Variants in CHLSN observed in about 807,000 individuals in gnomAD.
The protein encoded by CHLSN is cholesin.
the CHLSN span, among the ~76,000 whole-genome samples, chr7:979,163 G>A: frequency 1.3e-5 from 2 of 152,232 alleles, no homozygotes; most frequent in Non-Finnish European, 2.9e-5. Flanking sequence ...GGAAAATTTT[G>A]CTTTCGAAGA....
the CHLSN span, among the ~76,000 whole-genome samples, chr7:1,016,534 C>A: frequency 7.2e-6 from 1 of 138,944 alleles, no homozygotes; most frequent in Non-Finnish European, 1.5e-5. Context: ...CACACCAGCA[C>A]AAAGCAGCGC....
chr7:1,055,908 T>TG, the CHLSN span, among the ~76,000 whole-genome samples: 2 of 152,134 alleles, frequency 1.3e-5, no homozygotes, highest in African/African-American at 2.4e-5. Context: ...AAGTGGAGTC[T>TG]GGGGGGTGAC....
chr7:1,010,741 T>G, the CHLSN span, among the ~76,000 whole-genome samples: 1 of 151,926 alleles, frequency 6.6e-6, no homozygotes, highest in South Asian at 2.1e-4. Flanking sequence ...CCCTCCGTCT[T>G]GCCCACCCTC....
chr7:1,027,609 G>A, the CHLSN span, among the ~76,000 whole-genome samples: 1 of 152,272 alleles, frequency 6.6e-6, no homozygotes, highest in Non-Finnish European at 1.5e-5. Context: ...GAAGGCTCCC[G>A]AGTGAAGCTA....
At chr7:1,126,767 G>T in the CHLSN span, among the ~76,000 whole-genome samples, 1 of 152,192 alleles carries the variant, frequency 6.6e-6, no homozygotes, top group Admixed American at 6.5e-5. Context: ...AAATCTCAAC[G>T]TTATTCATAA....
At chr7:1,055,204 G>A in the CHLSN span, 17 of 469,566 alleles carry the variant, frequency 3.6e-5, no homozygotes, top group East Asian at 1.4e-4. Flanking sequence ...TCTGGAACCC[G>A]GCTGTAAACA....
At chr7:1,131,260 A>G in the CHLSN span, among the ~76,000 whole-genome samples, 1 of 151,588 alleles carries the variant, frequency 6.6e-6, no homozygotes, top group Non-Finnish European at 1.5e-5. Flanking sequence ...TTTAAAAAGC[A>G]TGATCATCAT....
At chr7:1,136,385 TAA>T in the CHLSN span, among the ~76,000 whole-genome samples, 1,257 of 37,078 alleles carry the variant, frequency 0.034, 216 homozygotes, top group African/African-American at 0.24. Context: ...TATAAATATA[TAA>T]ACATATATAT....
chr7:979,494 A>G, the CHLSN span, among the ~76,000 whole-genome samples: 4 of 152,048 alleles, frequency 2.6e-5, no homozygotes, highest in Admixed American at 6.6e-5. Flanking sequence ...GCTCACACCT[A>G]TAATCCCAGC....
At chr7:1,043,227 TA>T in the CHLSN span, among the ~76,000 whole-genome samples, 125 of 147,468 alleles carry the variant, frequency 8.5e-4, no homozygotes, top group African/African-American at 1.3e-3. Flanking sequence ...ACTCTGTCTT[TA>T]AAAAAAAAAA....
At chr7:996,828 C>G in the CHLSN span, among the ~76,000 whole-genome samples, 1 of 152,250 alleles carries the variant, frequency 6.6e-6, no homozygotes, top group Admixed American at 6.5e-5. Context: ...AACGGCCGGC[C>G]TGAACGCAAG....
the CHLSN span, among the ~76,000 whole-genome samples, chr7:1,136,437 TATATAA>T: frequency 3.4e-5 from 4 of 117,238 alleles, no homozygotes; most frequent in South Asian, 2.3e-4. Flanking sequence ...TATAAACATA[TATATAA>T]ATATATATAA....
the CHLSN span, among the ~76,000 whole-genome samples, chr7:1,124,814 G>A: frequency 7.8e-3 from 1,181 of 151,862 alleles, 7 homozygotes; most frequent in Non-Finnish European, 0.014. Flanking sequence ...AGGAGGAGCC[G>A]AAATTCAAGG....
the CHLSN span, among the ~76,000 whole-genome samples, chr7:1,020,935 G>A: frequency 4.4e-3 from 670 of 152,330 alleles, 5 homozygotes; most frequent in African/African-American, 0.015. Flanking sequence ...ACCACCAGGT[G>A]GAGCCTTCAG....
At chr7:987,149 G>A in the CHLSN span, 1 of 1,578,872 alleles carries the variant, frequency 6.3e-7, no homozygotes, top group East Asian at 2.3e-5. Flanking sequence ...CAACGCGGTG[G>A]CCTGCACCCT....
At chr7:1,011,869 G>A in the CHLSN span, among the ~76,000 whole-genome samples, 1 of 152,198 alleles carries the variant, frequency 6.6e-6, no homozygotes, top group Non-Finnish European at 1.5e-5. Context: ...AGAGGCTGAA[G>A]AGTCCCGGTG....
the CHLSN span, chr7:1,057,876 G>T: frequency 1.3e-6 from 1 of 777,096 alleles, no homozygotes. Context: ...GTACTCCACC[G>T]CCCTGCTGAG....
chr7:1,042,825 C>T, the CHLSN span, among the ~76,000 whole-genome samples: 1 of 152,188 alleles, frequency 6.6e-6, no homozygotes, highest in Non-Finnish European at 1.5e-5. Context: ...GAAGCTTACT[C>T]TTAGGCGGGC....
the CHLSN span, chr7:1,092,733 G>C: frequency 6.2e-7 from 1 of 1,613,618 alleles, no homozygotes; most frequent in South Asian, 1.1e-5. Flanking sequence ...GGGACAAGCT[G>C]AGGCTGTACA....
Sources: allele counts gnomAD v4.1 joint callset (sites outside exome capture counted in the v4.1 genomes callset), GRCh38; gene constraint gnomAD v4.1.1; transcripts MANE v1.5; gene names NCBI Gene and HGNC (gene_info 2026-07-23, HGNC 2026-07-21).